Variants in CSMD2 observed in about 807,000 individuals in gnomAD.
The protein encoded by CSMD2 is CUB and sushi domain-containing protein 2.
In CSMD2, 130 loss-of-function variants were observed where a neutral mutation model predicts 398.5. The observed-to-expected ratio is 0.33, with a 90% CI of 0.28 to 0.38. CSMD2 has a LOEUF of 0.38. Among genes scored for constraint, CSMD2 ranks in the 10% least tolerant of loss-of-function variants. The pLI is 1.00. For synonymous variants in CSMD2, 1,828 were observed against 1,908.5 expected (o/e 0.96, Z 1.10); for missense variants, 3,829 against 4,764.9 (o/e 0.80, Z 5.78).
chr1:33,745,291 A>G (rs1245393534), intron 13 of CSMD2, among the ~76,000 whole-genome samples: 2 of 152,238 alleles, frequency 1.3e-5, no homozygotes, highest in Non-Finnish European at 2.9e-5. Flanking sequence ...TAGGCGTTCA[A>G]AATGAAACAA....
At chr1:33,975,304 T>G (rs892501843) in intron 3 of CSMD2, among the ~76,000 whole-genome samples, 2 of 152,168 alleles carry the variant, frequency 1.3e-5, no homozygotes, top group African/African-American at 4.8e-5. Flanking sequence ...TCCTGACAGT[T>G]TTAGAGTCAT....
chr1:33,964,051 TC>T (rs1209417264), intron 3 of CSMD2, among the ~76,000 whole-genome samples: 1 of 152,218 alleles, frequency 6.6e-6, no homozygotes, highest in Non-Finnish European at 1.5e-5. Context: ...TACGAGAGTC[TC>T]CCTGAGGGTG....
rs143221558 is a variant in CSMD2 at position 33,563,546 on chromosome 1, T to C, written c.8380+4047A>G. 3.4e-3 allele frequency among the ~76,000 whole-genome samples: 520 copies of C among 152,250 alleles called. 14 individuals carry two copies. Among genetic ancestry groups the C allele is most frequent in the Non-Finnish European group, 5.4e-4 (37 of 68,030 alleles). The stretch of plus-strand genomic sequence containing the variant: ...AGCTAACAATTGTTGGGGCTCGCAG[T>C]CATTGTCTCACTTAATCCTCACAAC... On this transcript the variant is annotated intron_variant, in intron 53 of 70. Transcript: ENST00000373381.
Position 33,605,383 on chromosome 1 carries a change from G to T in CSMD2, c.6431C>A (p.Thr2144Asn), listed in dbSNP as rs569608631. 1.8e-5 allele frequency: 29 copies of T among 1,614,202 alleles called. No homozygotes were observed. The South Asian group carries it at 3.2e-4, about 18-fold the overall frequency. ...GAGYNVGQSV[T>N]FECLPGYQLT... is the part of the protein sequence containing the mutation. ...TTGATACCCCGGGAGGCACTCGAAG[G>T]TCACTGATTGTCCCACGTTGTAGCC... Residue 2144 changes from threonine (T) to asparagine (N), a missense_variant, in exon 42 of 71, where the codon ACC becomes AAC. Thr to Asn is a moderately conservative substitution (Grantham distance 65). This residue lies in a region of CSMD2 where 723 missense variants were observed against 758.6 expected (regional missense o/e 0.95). Coordinates refer to ENST00000373381, the MANE Select transcript of CSMD2 (RefSeq NM_001281956.2).
At chr1:33,765,326 CATT>C (rs1650356901) in intron 13 of CSMD2, among the ~76,000 whole-genome samples, 1 of 151,994 alleles carries the variant, frequency 6.6e-6, no homozygotes, top group African/African-American at 2.4e-5. Flanking sequence ...TATTAGAACA[CATT>C]ATAAAACAAC....
chr1:33,811,329 G>A (rs1436312551), intron 9 of CSMD2, among the ~76,000 whole-genome samples: 2 of 152,172 alleles, frequency 1.3e-5, no homozygotes, highest in Non-Finnish European at 2.9e-5. Flanking sequence ...TGGACCTAAT[G>A]CTGCTTAACT....
chr1:33,713,601 T>C (rs1347303279), intron 21 of CSMD2, among the ~76,000 whole-genome samples: 1 of 152,180 alleles, frequency 6.6e-6, no homozygotes, highest in Non-Finnish European at 1.5e-5. Context: ...CACAGCGCTC[T>C]GAACAGACTT....
chr1:33,626,627 G>A, intron 32 of CSMD2, 46 bp from the exon 33 acceptor site: 1 of 1,434,358 alleles, frequency 7.0e-7, no homozygotes, highest in Non-Finnish European at 9.5e-7. Context: ...AGTCCAGCAG[G>A]TGGGCCCAGA....
intron 10 of CSMD2, 56 bp downstream of exon 10, chr1:33,810,687 C>T: frequency 6.4e-7 from 1 of 1,558,580 alleles, no homozygotes; most frequent in South Asian, 1.2e-5. Context: ...TGTAGGCCAA[C>T]TGTCCCCAAC....
chr1:33,653,204 T>C (rs558617134), intron 27 of CSMD2, among the ~76,000 whole-genome samples: 3 of 152,274 alleles, frequency 2.0e-5, no homozygotes, highest in South Asian at 2.1e-4. Context: ...GTAAAGATTA[T>C]TGGAGATGTC....
chr1:33,731,905 G>C (rs1247594566), intron 15 of CSMD2, among the ~76,000 whole-genome samples: 1 of 152,134 alleles, frequency 6.6e-6, no homozygotes, highest in African/African-American at 2.4e-5. Context: ...AATTTGCTGC[G>C]AAATAATCCC....
chr1:33,677,806 T>C (rs566979855), intron 25 of CSMD2, among the ~76,000 whole-genome samples: 33 of 151,744 alleles, frequency 2.2e-4, no homozygotes, highest in African/African-American at 7.7e-4. Context: ...ATGTCCTTTG[T>C]AGGGACATGG....
At chr1:33,715,683 C>T (rs1048589299) in intron 20 of CSMD2, among the ~76,000 whole-genome samples, 1 of 152,142 alleles carries the variant, frequency 6.6e-6, no homozygotes, top group Admixed American at 6.5e-5. Context: ...CTGGCCGTGG[C>T]TGAGAAAGGT....
intron 58 of CSMD2, among the ~76,000 whole-genome samples, chr1:33,541,913 C>A (rs1269348184): frequency 1.3e-5 from 2 of 152,122 alleles, no homozygotes; most frequent in Non-Finnish European, 2.9e-5. Flanking sequence ...ACCTACGAGG[C>A]CTCTGTAGGC....
At chr1:34,105,706 A>C (rs533438310) in intron 1 of CSMD2, among the ~76,000 whole-genome samples, 20 of 152,356 alleles carry the variant, frequency 1.3e-4, no homozygotes, top group Admixed American at 5.2e-4. Flanking sequence ...AAAATCGATC[A>C]TACACTAATA....
intron 15 of CSMD2, among the ~76,000 whole-genome samples, chr1:33,736,430 A>G (rs571328996): frequency 6.6e-6 from 1 of 152,064 alleles, no homozygotes; most frequent in South Asian, 2.1e-4. Flanking sequence ...GCAGTGAGCC[A>G]AGATCACGCC....
At chr1:33,770,246 G>A (rs1651081933) in intron 13 of CSMD2, among the ~76,000 whole-genome samples, 2 of 152,262 alleles carry the variant, frequency 1.3e-5, no homozygotes, top group South Asian at 4.1e-4. Flanking sequence ...GTCAGTACAT[G>A]AAAATCCAGA....
chr1:34,025,385 A>C (rs1649514942), intron 3 of CSMD2, among the ~76,000 whole-genome samples: 1 of 152,186 alleles, frequency 6.6e-6, no homozygotes, highest in African/African-American at 2.4e-5. Context: ...GCTTGGATGA[A>C]AGTCAAGGAC....
At chr1:34,154,345 A>G (rs148244672) in intron 1 of CSMD2, among the ~76,000 whole-genome samples, 1 of 152,220 alleles carries the variant, frequency 6.6e-6, no homozygotes, top group African/African-American at 2.4e-5. Flanking sequence ...ATGGCAGAAC[A>G]TGAAAAATTA....
Sources: allele counts gnomAD v4.1 joint callset (sites outside exome capture counted in the v4.1 genomes callset), GRCh38; gene constraint gnomAD v4.1.1; regional missense constraint gnomAD v4.1.1; transcripts MANE v1.5; gene names NCBI Gene and HGNC (gene_info 2026-07-23, HGNC 2026-07-21).